The following THUMPD3 variants were observed in gnomAD, a reference collection of about 807,000 sequenced individuals.
THUMPD3 encodes tRNA (guanine(6)-N(2))-methyltransferase THUMP3.
In THUMPD3, 44 loss-of-function variants were observed where a neutral mutation model predicts 54.5. That is an observed-to-expected ratio of 0.81 (90% CI 0.63 to 1.04). The LOEUF (loss-of-function observed/expected upper bound fraction) is 1.04, where lower values mean the gene tolerates loss of function less well. THUMPD3 is among the 50% of genes least tolerant of loss of function. THUMPD3 has a pLI of 0.00. For missense variants in THUMPD3, 604 were observed against 601.3 expected, an observed-to-expected ratio of 1.00 and a Z score of -0.05; for synonymous variants, 196 against 201.4, an observed-to-expected ratio of 0.97 and a Z score of 0.23.
intron 4 of THUMPD3, among the ~76,000 whole-genome samples, chr3:9,372,256 C>T (rs1349030467): frequency 1.3e-5 from 2 of 152,100 alleles, no homozygotes; most frequent in East Asian, 3.9e-4. Context: ...TTTTGTGTGT[C>T]TTGGTTGCAG....
chr3:9,379,411 A>G (rs182591750), intron 6 of THUMPD3, among the ~76,000 whole-genome samples: 1 of 152,256 alleles, frequency 6.6e-6, no homozygotes, highest in East Asian at 1.9e-4. Flanking sequence ...GAAACACTGC[A>G]CTCATGGATG....
intron 3 of THUMPD3, among the ~76,000 whole-genome samples, chr3:9,369,077 CA>C (rs2031806820): frequency 6.6e-6 from 1 of 151,782 alleles, no homozygotes; most frequent in East Asian, 1.9e-4. Flanking sequence ...TTTGGGAAGC[CA>C]AAGCAGGTGA....
chr3:9,367,096 G>A lies in THUMPD3; in HGVS notation c.330+111G>A. ...GCATTACTGTAGTCTTTGTAATAGA[G>A]AATACTGGGAGGCTTTTACAGTAAA... On this transcript the variant is annotated intron_variant, in intron 3 of 9. Coordinates refer to ENST00000452837, the MANE Select transcript of THUMPD3 (RefSeq NM_001114092.2). The A allele has an allele frequency of 6.7e-6, 5 of 742,718 alleles. No homozygotes were observed. The South Asian group carries it at 9.0e-5, about 13-fold the overall frequency. 46.0% of individuals were successfully genotyped at this position (742,718 alleles called of 1,614,324 possible). A position where few individuals can be genotyped will look rare whatever the true frequency, so the allele number is the denominator to read the frequency against.
chr3:9,384,687 G>T lies in THUMPD3; in HGVS notation c.1523G>T (p.Ter508LeuextTer2). 6.2e-7 allele frequency: 1 copy of T among 1,614,134 alleles called. No homozygotes were observed. The highest frequency in any genetic ancestry group is 8.5e-7 in the Non-Finnish European group (1 of 1,180,022). The change falls in exon 10 of 10, where the codon TGA (stop) becomes TTA (leucine). Residue 508 changes from the stop codon to leucine (L), a stop_lost. Coordinates refer to ENST00000452837, the MANE Select transcript of THUMPD3 (RefSeq NM_001114092.2). The part of the protein sequence containing the change: ...ERGTLWQCKE[*>L] ...GGAACTCTTTGGCAATGCAAAGAAT[G>T]AAGATGACTAATAGTACTTGTACTT...
chr3:9,364,968 G>A, intron 1 of THUMPD3, 48 bp from the exon 2 acceptor site: 5 of 1,456,020 alleles, frequency 3.4e-6, no homozygotes, highest in Non-Finnish European at 4.6e-6. Flanking sequence ...AATTATAACT[G>A]AAATATGAGA....
At chr3:9,382,475 C>T (rs2033003185) in intron 7 of THUMPD3, among the ~76,000 whole-genome samples, 1 of 152,024 alleles carries the variant, frequency 6.6e-6, no homozygotes, top group Admixed American at 6.6e-5. Context: ...GGTTTTTCAT[C>T]TTGAAACAAT....
chr3:9,368,162 A>T (rs1403224189), intron 3 of THUMPD3, among the ~76,000 whole-genome samples: 1 of 152,156 alleles, frequency 6.6e-6, no homozygotes, highest in Non-Finnish European at 1.5e-5. Context: ...TCTCTTAAGT[A>T]TTCAGATGAT....
At chr3:9,377,753 G>C in intron 5 of THUMPD3, 66 bp from the exon 6 acceptor site, 1 of 1,248,526 alleles carries the variant, frequency 8.0e-7, no homozygotes, top group Non-Finnish European at 1.2e-6. Flanking sequence ...AAAGCTTCAG[G>C]AATCATCAGT....
chr3:9,364,885 A>G (rs2031389758), intron 1 of THUMPD3, 131 bp from the exon 2 acceptor site: 2 of 677,538 alleles, frequency 3.0e-6, no homozygotes, highest in Non-Finnish European at 4.8e-6. Context: ...TGTTTATTCA[A>G]CCCTTTTTAC....
chr3:9,364,903 A>C, intron 1 of THUMPD3, 113 bp from the exon 2 acceptor site: 1 of 795,516 alleles, frequency 1.3e-6, no homozygotes, highest in Non-Finnish European at 1.9e-6. Context: ...TACTTTGGTG[A>C]CTGTTTATCA....
chr3:9,374,449 A>G (rs1473503365), intron 4 of THUMPD3, 67 bp from the exon 5 acceptor site: 2 of 1,575,826 alleles, frequency 1.3e-6, no homozygotes, highest in African/African-American at 1.4e-5. Context: ...CAGGTCAGAA[A>G]AGTCTTATTA....
At chr3:9,365,436 G>A (rs1033338437) in intron 2 of THUMPD3, 116 bp downstream of exon 2, 1 of 1,321,808 alleles carries the variant, frequency 7.6e-7, no homozygotes, top group Non-Finnish European at 1.0e-6. Flanking sequence ...CCCCAAATCA[G>A]GTGATTTTAA....
Position 9,381,945 on chromosome 3 carries a change from T to A in THUMPD3, c.1125-1254T>A, listed in dbSNP as rs370158874. Among the ~76,000 whole-genome samples the A allele has an allele frequency of 3.9e-4, 58 of 150,624 alleles. 1 individual carries two copies. In the South Asian group the frequency reaches 9.1e-3, roughly 24 times the overall value. On this transcript the variant is annotated intron_variant, in intron 7 of 9. Transcript: ENST00000452837. Reference sequence around the variant, plus strand: ...CAGGCACCCGCCACCATGCCCGGCTTATTTTTTTTTTGTATTTTTAGTAGA... The same window carrying A: ...CAGGCACCCGCCACCATGCCCGGCTAATTTTTTTTTTGTATTTTTAGTAGA...
chr3:9,383,957 C>T lies in THUMPD3; in HGVS notation c.1236-255C>T, dbSNP rs115768425. Among the ~76,000 whole-genome samples, 657 of 152,292 alleles carry T rather than the reference C, an allele frequency of 4.3e-3. 6 individuals are homozygous for T. Among genetic ancestry groups the T allele is most frequent in the African/African-American group, 0.015 (634 of 41,566 alleles). On this transcript the variant is annotated intron_variant, in intron 8 of 9. Coordinates refer to ENST00000452837, the MANE Select transcript of THUMPD3 (RefSeq NM_001114092.2). ...TTTCTAATCACTTGTTTGGTTTATACAGTTTGACTGCTTATTATACTAAGA... is the reference window on the plus strand; with the variant it reads ...TTTCTAATCACTTGTTTGGTTTATATAGTTTGACTGCTTATTATACTAAGA...
chr3:9,368,523 C>T (rs924399843), intron 3 of THUMPD3, among the ~76,000 whole-genome samples: 12 of 151,944 alleles, frequency 7.9e-5, no homozygotes, highest in Non-Finnish European at 1.6e-4. Flanking sequence ...CCACCATGCC[C>T]GGCTAATTTT....
At chr3:9,377,005 C>CT (rs1401091671) in intron 5 of THUMPD3, among the ~76,000 whole-genome samples, 3 of 151,604 alleles carry the variant, frequency 2.0e-5, no homozygotes, top group African/African-American at 7.3e-5. Context: ...TTTTTTTTTC[C>CT]TTTTTTTATT....
Position 9,384,932 on chromosome 3 carries a change from G to C in THUMPD3, c.*244G>C. 2.4e-6 allele frequency: 1 copy of C among 414,586 alleles called. No individual in the cohort carries two copies. The highest frequency in any genetic ancestry group is 2.9e-5 in the South Asian group (1 of 34,170). 25.7% of individuals were successfully genotyped at this position (414,586 alleles called of 1,614,324 possible). On this transcript the variant is annotated 3_prime_UTR_variant, in exon 10 of 10. Coordinates refer to ENST00000452837, the MANE Select transcript of THUMPD3 (RefSeq NM_001114092.2). ...AAGCCGAAGTGTGCAGATCACCTGA[G>C]GTCCGGAGACCAGCCTGGCCAACAT... is the stretch of plus-strand genomic sequence containing the variant.
chr3:9,367,815 C>A (rs974413007), intron 3 of THUMPD3, among the ~76,000 whole-genome samples: 3 of 152,120 alleles, frequency 2.0e-5, no homozygotes, highest in Admixed American at 2.0e-4. Context: ...CCTGTAATCC[C>A]AGCACTTTGG....
rs1408866752 is a variant in THUMPD3 at position 9,380,489 on chromosome 3, C to T, written c.1009-14C>T. ...TTTGCTACTTTTGTTTTAACATACA[C>T]TCTTATCTTTTAGGGGGCCACTGAA... On this transcript the variant is annotated splice_polypyrimidine_tract_variant and intron_variant, in intron 6 of 9. Coordinates refer to ENST00000452837, the MANE Select transcript of THUMPD3 (RefSeq NM_001114092.2). 2 of 1,553,626 alleles carry T rather than the reference C, an allele frequency of 1.3e-6. No homozygotes were observed. The highest frequency in any genetic ancestry group is 1.4e-5 in the African/African-American group (1 of 73,382).
Sources: allele counts gnomAD v4.1 joint callset (sites outside exome capture counted in the v4.1 genomes callset), GRCh38; gene constraint gnomAD v4.1.1; transcripts MANE v1.5; gene names NCBI Gene and HGNC (gene_info 2026-07-23, HGNC 2026-07-21).